The following FAT2 variants were observed in gnomAD, a reference collection of about 807,000 sequenced individuals.
The protein encoded by FAT2 is FAT atypical cadherin 2, also known as protocadherin Fat 2.
FAT2 carries 150 observed loss-of-function variants against 295.3 expected under a neutral mutation model. The observed-to-expected ratio is 0.51, with a 90% confidence interval of 0.44 to 0.58. The LOEUF (loss-of-function observed/expected upper bound fraction) is 0.58. Ranked by LOEUF, FAT2 falls within the 20% of genes least tolerant of loss-of-function variation. The probability of loss-of-function intolerance (pLI) is 0.00; values close to 1 mark genes in which losing one functional copy is unlikely to be tolerated. For missense variants in FAT2, 4,868 were observed against 5,442.7 expected (o/e 0.89, Z 3.32); for synonymous variants, 2,026 against 2,150.3 (o/e 0.94, Z 1.60).
chr5:151,517,821 T>C, intron 19 of FAT2, 56 bp from the exon 20 acceptor site: 1 of 1,596,262 alleles, frequency 6.3e-7, no homozygotes, highest in Non-Finnish European at 8.6e-7. Flanking sequence ...ATTGAGCCCT[T>C]GGACTGACTT....
In FAT2 at chr5:151,545,204, C is replaced by T; in HGVS notation, c.5923G>A (p.Ala1975Thr). 4 of 1,614,190 alleles carry T rather than the reference C, an allele frequency of 2.5e-6. No individual in the cohort carries two copies. Among genetic ancestry groups the T allele is most frequent in the Non-Finnish European group, 3.4e-6 (4 of 1,180,038 alleles). The change falls in exon 10 of 24, where the codon GCA (alanine) becomes ACA (threonine). Residue 1975 changes from alanine (A) to threonine (T), a missense_variant. Physicochemically the swap from Ala to Thr is moderately conservative, Grantham distance 58. This residue lies in a region of FAT2 where 3,297 missense variants were observed against 3,669.4 expected (regional missense o/e 0.90). Transcript: ENST00000261800. ...SLQFDQDVYW[A>T]AVKENLQDRK... ...TCCTGCAAGTTCTCCTTCACAGCTGCCCAGTAGACATCCTGATCAAACTGC... is the reference window on the plus strand; with the variant it reads ...TCCTGCAAGTTCTCCTTCACAGCTGTCCAGTAGACATCCTGATCAAACTGC...
intron 14 of FAT2, among the ~76,000 whole-genome samples, chr5:151,529,917 C>A (rs1369380950): frequency 6.6e-6 from 1 of 152,218 alleles, no homozygotes; most frequent in Non-Finnish European, 1.5e-5. Context: ...AGGATTTATC[C>A]TGCCTTTCCC....
At chr5:151,590,776 C>T (rs139251629) in intron 1 of FAT2, among the ~76,000 whole-genome samples, 3 of 152,346 alleles carry the variant, frequency 2.0e-5, no homozygotes, top group African/African-American at 7.2e-5. Flanking sequence ...CCCCTAAAAA[C>T]TGCAGAGGAA....
At chr5:151,563,847 T>C (rs1290026629) in intron 2 of FAT2, among the ~76,000 whole-genome samples, 1 of 152,226 alleles carries the variant, frequency 6.6e-6, no homozygotes, top group Non-Finnish European at 1.5e-5. Flanking sequence ...CTAGAACCTC[T>C]CAGAGCCTTC....
Position 151,567,571 on chromosome 5 carries a change from T to C in FAT2, c.1361A>G (p.His454Arg). 1 of 1,614,170 alleles carries C rather than the reference T, an allele frequency of 6.2e-7. No individual in the cohort carries two copies. The highest frequency in any genetic ancestry group is 8.5e-7 in the Non-Finnish European group (1 of 1,180,032). ...GGAAGACCTGTTGAAGAGGGGGGCATGGTTGTTGCAGTCCACAATGTCAAT... is the reference window on the plus strand; with the variant it reads ...GGAAGACCTGTTGAAGAGGGGGGCACGGTTGTTGCAGTCCACAATGTCAAT... ...VVIDIVDCNN[H>R]APLFNRSSYD... Residue 454 changes from histidine to arginine, a missense_variant, in exon 2 of 24, where the codon CAT (histidine) becomes CGT (arginine). Around this residue, in one of 5 missense-constraint regions of FAT2, gnomAD observed 3,297 missense variants for 3,669.4 expected, o/e 0.90. Transcript: ENST00000261800.
In FAT2 at chr5:151,554,428, G is replaced by A. The variant is rs765448810; in HGVS notation, c.3879C>T (p.Ile1293=). The A allele has an allele frequency of 2.4e-5, 39 of 1,614,076 alleles. No individual in the cohort carries two copies. Among genetic ancestry groups the A allele is most frequent in the South Asian group, 1.2e-4 (11 of 91,086 alleles). ...IEDSDEEAFS[I]DLVTGVVSSS... ...ATGAAACCACACCTGTGACCAGGTC[G>A]ATACTGAAGGCCTCCTCATCGCTGT... Residue 1293 remains isoleucine (I), a synonymous_variant, in exon 5 of 24, where the codon ATC becomes ATT. Transcript: ENST00000261800.
intron 10 of FAT2, among the ~76,000 whole-genome samples, chr5:151,541,570 A>G (rs1756149785): frequency 6.6e-6 from 1 of 152,194 alleles, no homozygotes; most frequent in Admixed American, 6.5e-5. Flanking sequence ...ATGGGGGGAC[A>G]TGGCACCTGG....
chr5:151,557,135 A>C (rs1048413489), intron 3 of FAT2, among the ~76,000 whole-genome samples: 1 of 152,284 alleles, frequency 6.6e-6, no homozygotes, highest in South Asian at 2.1e-4. Context: ...ACAAGGGTCA[A>C]TGTCAGCACT....
intron 1 of FAT2, among the ~76,000 whole-genome samples, chr5:151,577,223 C>T (rs1758780952): frequency 6.6e-6 from 1 of 152,164 alleles, no homozygotes; most frequent in Non-Finnish European, 1.5e-5. Context: ...CCTCAAAAGT[C>T]ATAGTATGAC....
chr5:151,567,497 C>A lies in FAT2; in HGVS notation c.1435G>T (p.Ala479Ser). 2 of 1,614,080 alleles carry A rather than the reference C, an allele frequency of 1.2e-6. No homozygotes were observed. Among genetic ancestry groups the A allele is most frequent in the Non-Finnish European group, 1.7e-6 (2 of 1,180,004 alleles). ...TGATCCCGGTCAGTGGCAGTCACAG[C>A]CAAAACACTGGTGCCTGGAGGGATG... ...ENIPPGTSVL[A>S]VTATDRDHGE... Residue 479 changes from alanine (A) to serine (S), a missense_variant, in exon 2 of 24, where the codon GCT becomes TCT. By Grantham distance (99) the Ala-to-Ser change is moderately conservative. This residue lies in a region of FAT2 where 3,297 missense variants were observed against 3,669.4 expected (regional missense o/e 0.90). Coordinates refer to ENST00000261800, the MANE Select transcript of FAT2 (RefSeq NM_001447.3).
At chr5:151,534,713 T>C in intron 12 of FAT2, 71 bp from the exon 13 acceptor site, 1 of 1,350,660 alleles carries the variant, frequency 7.4e-7, no homozygotes, top group South Asian at 1.3e-5. Context: ...CCTCTATATA[T>C]CTACAGGAGA....
intron 1 of FAT2, among the ~76,000 whole-genome samples, chr5:151,570,439 C>T (rs975067189): frequency 6.6e-6 from 1 of 152,214 alleles, no homozygotes; most frequent in Non-Finnish European, 1.5e-5. Flanking sequence ...AGTGTGTGGC[C>T]GGGTAAGAAC....
rs77698553 is a variant in FAT2 at position 151,521,490 on chromosome 5, G to A, written c.11103C>T (p.Ser3701=). 5.6e-5 allele frequency: 90 copies of A among 1,614,218 alleles called. No homozygotes were observed. In the African/African-American group the frequency reaches 1.1e-3, roughly 20 times the overall value. ...TCTCCTTGGCTGAGTGAGTGATGAT[G>A]GATGCTAGCTCCTGAAACTCGTAGA... ...GTFYEFQELA[S]IITHSAKEME... The change falls in exon 19 of 24, where the codon TCC becomes TCT. Residue 3701 remains serine, a synonymous_variant. Transcript: ENST00000261800.
At position 151,543,477 on chromosome 5, in the gene FAT2, C is replaced by T. The variant is rs1393137507; in HGVS notation, c.7650G>A (p.Glu2550=). The stretch of plus-strand genomic sequence containing the variant: ...CCATGACCTTAATAGCAATGACTCT[C>T]TCTGTTGAATTTTCCCGATCCAGTT... ...LQKLDRENST[E]RVIAIKVMAR... is the part of the protein sequence containing the mutation. Residue 2550 remains glutamate, a synonymous_variant, in exon 10 of 24, where the codon GAG becomes GAA. Transcript: ENST00000261800. 1 of 1,614,178 alleles carries T rather than the reference C, an allele frequency of 6.2e-7. No homozygotes were observed. The highest frequency in any genetic ancestry group is 8.5e-7 in the Non-Finnish European group (1 of 1,180,038).
chr5:151,560,907 TGA>T (rs540049959), intron 3 of FAT2, among the ~76,000 whole-genome samples: 12 of 152,328 alleles, frequency 7.9e-5, no homozygotes, highest in African/African-American at 2.6e-4. Context: ...TCCTACTGTG[TGA>T]CAGGTACTGA....
In FAT2 at chr5:151,544,673, A is replaced by G. The variant is rs1446833551; in HGVS notation, c.6454T>C (p.Ser2152Pro). 6.2e-7 allele frequency: 1 copy of G among 1,614,122 alleles called. No individual in the cohort carries two copies. Among genetic ancestry groups the G allele is most frequent in the Non-Finnish European group, 8.5e-7 (1 of 1,180,018 alleles). Residue 2152 changes from serine to proline, a missense_variant, in exon 10 of 24, where the codon TCC (serine) becomes CCC (proline). Ser to Pro is a moderately conservative substitution (Grantham distance 74, BLOSUM62 -1). Transcript: ENST00000261800. ...KVIARDGGTP[S>P]LQSEEEVLVT... ...AGTACCTCTTCCTCACTCTGGAGGG[A>G]TGGCGTTCCTCCATCCCGAGCAATG...
chr5:151,572,988 T>C (rs1758594207), intron 1 of FAT2, among the ~76,000 whole-genome samples: 1 of 152,268 alleles, frequency 6.6e-6, no homozygotes. Flanking sequence ...CACACATGCA[T>C]ACTCAGTAGT....
intron 7 of FAT2, 28 bp downstream of exon 7, chr5:151,551,439 A>G (rs1156533453): frequency 6.2e-7 from 1 of 1,611,014 alleles, no homozygotes; most frequent in African/African-American, 1.3e-5. Context: ...TCCTCTCAAT[A>G]CAGGGGTCCC....
rs2127627471 is a variant in FAT2 at position 151,553,299 on chromosome 5, A to T, written c.4034T>A (p.Ile1345Asn). 2 of 1,614,240 alleles carry T rather than the reference A, an allele frequency of 1.2e-6. No individual in the cohort carries two copies. Among genetic ancestry groups the T allele is most frequent in the Non-Finnish European group, 1.7e-6 (2 of 1,180,036 alleles). Residue 1345 changes from isoleucine to asparagine, a missense_variant, in exon 6 of 24, where the codon ATC becomes AAC. Physicochemically the swap from Ile to Asn is moderately radical, Grantham distance 149. Transcript: ENST00000261800. Reference sequence around the variant, plus strand: ...GTAGGTCTCATCAAAGGCCAGAGGGATGGAGGACGGCCGGGGCCAAGGGAT... The same window carrying T: ...GTAGGTCTCATCAAAGGCCAGAGGGTTGGAGGACGGCCGGGGCCAAGGGAT... ...EWIPWPRPSS[I>N]PLAFDETYYS...
Sources: gnomAD v4.1 joint callset for allele counts (sites outside exome capture counted in the v4.1 genomes callset) on GRCh38, gnomAD v4.1.1 for gene constraint, gnomAD v4.1.1 regional missense constraint, MANE v1.5 for transcripts, NCBI Gene and HGNC (gene_info 2026-07-23, HGNC 2026-07-21) for gene names.